UST: variants seen among roughly 807,000 people sequenced by gnomAD.
The protein encoded by UST is chondroitin sulfate 2-O-sulfotransferase.
Under a neutral mutation model 45.6 loss-of-function variants are expected in UST, and 21 were observed. That is an observed-to-expected ratio of 0.46 (90% CI 0.33 to 0.66). The LOEUF is 0.66. Among genes scored for constraint, UST ranks in the 30% least tolerant of loss-of-function variants. UST has a pLI of 0.02. For synonymous variants in UST, 215 were observed against 200.6 expected (o/e 1.07, Z -0.61); for missense variants, 463 against 512.4 (o/e 0.90, Z 0.93).
chr6:148,906,677 ACT>A (rs1201621990), intron 2 of UST, among the ~76,000 whole-genome samples: 1 of 87,468 alleles, frequency 1.1e-5, no homozygotes, highest in African/African-American at 4.1e-5. Flanking sequence ...TCACTTGAAG[ACT>A]CTGCCTCTTA....
intron 5 of UST, among the ~76,000 whole-genome samples, chr6:148,978,771 A>T (rs559215745): frequency 1.3e-5 from 2 of 152,242 alleles, no homozygotes; most frequent in South Asian, 4.1e-4. Context: ...GCAAACCACC[A>T]TGGGACGTGT....
intron 1 of UST, among the ~76,000 whole-genome samples, chr6:148,789,749 C>G (rs926548298): frequency 6.6e-6 from 1 of 151,878 alleles, no homozygotes; most frequent in African/African-American, 2.4e-5. Context: ...AGGTGCCCAC[C>G]ACCACACCCA....
intron 1 of UST, among the ~76,000 whole-genome samples, chr6:148,758,894 A>G (rs934758437): frequency 6.6e-6 from 1 of 152,220 alleles, no homozygotes; most frequent in African/African-American, 2.4e-5. Context: ...GTCATCCAGC[A>G]CAGAGCTTCC....
At chr6:148,764,549 G>A (rs1776282700) in intron 1 of UST, among the ~76,000 whole-genome samples, 1 of 152,098 alleles carries the variant, frequency 6.6e-6, no homozygotes, top group South Asian at 2.1e-4. Flanking sequence ...ATTTCCTTAA[G>A]TGTCGGCCGG....
At chr6:148,891,230 G>A (rs1545842) in intron 2 of UST, among the ~76,000 whole-genome samples, 32,037 of 151,992 alleles carry the variant, frequency 0.21, 4,133 homozygotes, top group African/African-American at 0.35. Context: ...AGAAGCTGAC[G>A]TTTCCCCTCC....
At chr6:148,777,131 C>T (rs984460996) in intron 1 of UST, among the ~76,000 whole-genome samples, 4 of 152,152 alleles carry the variant, frequency 2.6e-5, no homozygotes, top group South Asian at 4.1e-4. Context: ...AGACAGGAGC[C>T]GTTTTTTCCT....
chr6:148,982,827 T>C (rs1781165408), intron 5 of UST, among the ~76,000 whole-genome samples: 1 of 152,212 alleles, frequency 6.6e-6, no homozygotes, highest in Non-Finnish European at 1.5e-5. Flanking sequence ...CAGAATTTAA[T>C]TTTCAAAAAG....
chr6:149,061,020 C>G (rs7750481), intron 7 of UST, among the ~76,000 whole-genome samples: 5,746 of 152,144 alleles, frequency 0.038, 362 homozygotes, highest in African/African-American at 0.13. Context: ...CTGGTCAGCG[C>G]GGAGTGTGCA....
chr6:148,812,278 A>G (rs914207546), intron 1 of UST, among the ~76,000 whole-genome samples: 1 of 152,210 alleles, frequency 6.6e-6, no homozygotes, highest in African/African-American at 2.4e-5. Flanking sequence ...TTGTAATTTT[A>G]ACAATATCCA....
At chr6:149,004,563 C>A (rs1464361784) in intron 5 of UST, among the ~76,000 whole-genome samples, 1 of 152,174 alleles carries the variant, frequency 6.6e-6, no homozygotes, top group Non-Finnish European at 1.5e-5. Context: ...CGCTAATAAC[C>A]GGACCTGGTG....
chr6:149,073,266 C>T (rs552892727), intron 7 of UST, among the ~76,000 whole-genome samples: 39 of 152,170 alleles, frequency 2.6e-4, no homozygotes, highest in African/African-American at 9.2e-4. Flanking sequence ...GAGAACCTGT[C>T]TCTACAAAAA....
chr6:148,762,716 A>T (rs917108167), intron 1 of UST, among the ~76,000 whole-genome samples: 4 of 151,746 alleles, frequency 2.6e-5, no homozygotes, highest in Admixed American at 2.6e-4. Flanking sequence ...GAGAGTCCCC[A>T]TTGTCTGTTA....
intron 7 of UST, among the ~76,000 whole-genome samples, chr6:149,057,662 AG>A (rs1776587348): frequency 1.3e-5 from 2 of 152,228 alleles, no homozygotes; most frequent in African/African-American, 4.8e-5. Context: ...ATGACCTTTA[AG>A]GCATCTATAA....
intron 7 of UST, among the ~76,000 whole-genome samples, chr6:149,049,278 T>C (rs1776443783): frequency 6.6e-6 from 1 of 152,194 alleles, no homozygotes; most frequent in Admixed American, 6.5e-5. Flanking sequence ...GAAGAATAGC[T>C]AAATACATTT....
intron 2 of UST, among the ~76,000 whole-genome samples, chr6:148,909,129 A>G (rs1412976040): frequency 3.9e-5 from 6 of 152,178 alleles, no homozygotes; most frequent in Non-Finnish European, 7.4e-5. Context: ...AATAATATTT[A>G]TCTTGTAATT....
intron 7 of UST, among the ~76,000 whole-genome samples, chr6:149,029,547 A>G (rs1227053334): frequency 1.3e-5 from 2 of 149,392 alleles, no homozygotes; most frequent in Non-Finnish European, 3.0e-5. Flanking sequence ...TTAAAAACTA[A>G]CATTTTAGAA....
intron 1 of UST, among the ~76,000 whole-genome samples, chr6:148,793,751 C>G (rs1483487608): frequency 6.6e-6 from 1 of 151,670 alleles, no homozygotes; most frequent in African/African-American, 2.4e-5. Flanking sequence ...ATGTCTCCTT[C>G]TGAGTTCGTG....
chr6:149,011,376 C>T (rs897063146), intron 5 of UST, among the ~76,000 whole-genome samples: 1 of 152,084 alleles, frequency 6.6e-6, no homozygotes, highest in African/African-American at 2.4e-5. Flanking sequence ...CATAGTTGGA[C>T]AGAATTAATA....
At chr6:148,833,623 T>A (rs1025042485) in intron 1 of UST, among the ~76,000 whole-genome samples, 1 of 152,170 alleles carries the variant, frequency 6.6e-6, no homozygotes, top group African/African-American at 2.4e-5. Flanking sequence ...TACCTTGTGG[T>A]CAGGGAAATT....
Sources: allele counts gnomAD v4.1 joint callset (sites outside exome capture counted in the v4.1 genomes callset), GRCh38; gene constraint gnomAD v4.1.1; transcripts MANE v1.5; gene names NCBI Gene and HGNC (gene_info 2026-07-23, HGNC 2026-07-21).